The following MICAL2 variants were observed in gnomAD, a reference collection of about 807,000 sequenced individuals.
MICAL2 encodes [F-actin]-monooxygenase MICAL2.
MICAL2 carries 77 observed loss-of-function variants against 127.3 expected under a neutral mutation model. That is an observed-to-expected ratio of 0.60 (90% confidence interval 0.50 to 0.73). MICAL2 has a LOEUF of 0.73. Ranked by LOEUF, MICAL2 falls within the 30% of genes least tolerant of loss-of-function variation. The probability of loss-of-function intolerance (pLI) is 0.00; values close to 1 mark genes in which losing one functional copy is unlikely to be tolerated. For missense variants in MICAL2, 1,351 were observed against 1,434.4 expected, an observed-to-expected ratio of 0.94 and a Z score of 0.94; for synonymous variants, 570 against 551.1, an observed-to-expected ratio of 1.03 and a Z score of -0.48.
At chr11:12,214,978 G>C (rs1855961500) in intron 7 of MICAL2, among the ~76,000 whole-genome samples, 1 of 152,158 alleles carries the variant, frequency 6.6e-6, no homozygotes, top group African/African-American at 2.4e-5. Context: ...ACTTCTCACT[G>C]GCCTGGAGGG....
chr11:12,143,601 G>C (rs1852571374), intron 2 of MICAL2, among the ~76,000 whole-genome samples: 1 of 152,150 alleles, frequency 6.6e-6, no homozygotes, highest in African/African-American at 2.4e-5. Flanking sequence ...AAAGTGAATG[G>C]GGTGGGACGG....
intron 4 of MICAL2, among the ~76,000 whole-genome samples, chr11:12,206,526 G>C (rs955258662): frequency 6.6e-6 from 1 of 152,156 alleles, no homozygotes; most frequent in Non-Finnish European, 1.5e-5. Flanking sequence ...CCCCTGGCAG[G>C]GTGGTTCATG....
chr11:12,331,569 G>C (rs1441980671), intron 32 of MICAL2, among the ~76,000 whole-genome samples: 1 of 152,216 alleles, frequency 6.6e-6, no homozygotes, highest in Non-Finnish European at 1.5e-5. Flanking sequence ...GGTTTTCACT[G>C]CTGCTGAGGA....
At chr11:12,256,219 G>A (rs1458387252) in intron 23 of MICAL2, 1 of 162,904 alleles carries the variant, frequency 6.1e-6, no homozygotes, top group Non-Finnish European at 1.3e-5. Context: ...GTTTCCTTTT[G>A]GCCCATTGCC....
exon 2 of MICAL2, chr11:12,280,934 T>C: frequency 5.0e-6 from 2 of 399,126 alleles, no homozygotes; most frequent in East Asian, 7.1e-5. Flanking sequence ...TCCTTCCAGC[T>C]CTGACACAGA....
At chr11:12,328,054 AT>A (rs1864374668) in intron 32 of MICAL2, among the ~76,000 whole-genome samples, 1 of 152,240 alleles carries the variant, frequency 6.6e-6, no homozygotes, top group Non-Finnish European at 1.5e-5. Context: ...AAGAAATTAT[AT>A]TTGATGCTTA....
At chr11:12,223,387 C>T (rs374605729) in intron 11 of MICAL2, 24 bp from the exon 12 acceptor site, 166 of 1,602,634 alleles carry the variant, frequency 1.0e-4, no homozygotes, top group Middle Eastern at 6.6e-4. Context: ...AACTGGTGGG[C>T]AAGCATGTCT....
chr11:12,180,364 G>A (rs1438190793), intron 3 of MICAL2, among the ~76,000 whole-genome samples: 6 of 130,118 alleles, frequency 4.6e-5, no homozygotes, highest in African/African-American at 1.2e-4. Context: ...TTTTTTGGCA[G>A]GAAGGTTTCC....
At chr11:12,326,048 G>A (rs1371121436) in intron 31 of MICAL2, among the ~76,000 whole-genome samples, 6 of 152,194 alleles carry the variant, frequency 3.9e-5, no homozygotes, top group Admixed American at 3.9e-4. Flanking sequence ...TCATAGCTGG[G>A]ACAAGAAGAG....
At chr11:12,246,048 A>G (rs937004441) in intron 21 of MICAL2, among the ~76,000 whole-genome samples, 2 of 152,190 alleles carry the variant, frequency 1.3e-5, no homozygotes, top group South Asian at 4.1e-4. Context: ...CCTTTCTCTC[A>G]TCCCCAGAAA....
intron 1 of MICAL2, among the ~76,000 whole-genome samples, chr11:12,132,184 C>T (rs1023642182): frequency 2.6e-5 from 4 of 152,304 alleles, no homozygotes; most frequent in African/African-American, 7.2e-5. Context: ...TAATGTTCCT[C>T]GCAGTCCCAG....
intron 34 of MICAL2, among the ~76,000 whole-genome samples, chr11:12,357,197 C>T (rs1417872086): frequency 1.3e-5 from 2 of 152,176 alleles, no homozygotes; most frequent in Non-Finnish European, 2.9e-5. Context: ...GGAGGAGGCT[C>T]CCCACCCAGT....
Position 12,164,281 on chromosome 11 carries a change from A to G in MICAL2, c.264+1862A>G, listed in dbSNP as rs576652052. On this transcript the variant is annotated intron_variant, in intron 3 of 27. Coordinates refer to ENST00000683283, the MANE Select transcript of MICAL2 (RefSeq NM_001282663.2). ...ATGCTGGGTAAGGTGCCTCTTGCCCAGGAATTTTTATGCCTGTCTTGTGAG... is the reference window on the plus strand; with the variant it reads ...ATGCTGGGTAAGGTGCCTCTTGCCCGGGAATTTTTATGCCTGTCTTGTGAG... Among the ~76,000 whole-genome samples the G allele has an allele frequency of 7.9e-5, 12 of 152,350 alleles. No homozygotes were observed. The East Asian group carries it at 2.3e-3, about 29-fold the overall frequency.
At chr11:12,305,358 G>A (rs1464911335) in intron 29 of MICAL2, among the ~76,000 whole-genome samples, 2 of 151,744 alleles carry the variant, frequency 1.3e-5, no homozygotes, top group Admixed American at 1.3e-4. Context: ...GAACAGCATG[G>A]GGGAGACCAC....
downstream of MICAL2, chr11:12,287,336 G>A: frequency 2.6e-6 from 1 of 385,748 alleles, no homozygotes; most frequent in East Asian, 3.7e-5. Context: ...CTGCTGACTA[G>A]AGGGAGCCTT....
At chr11:12,307,256 T>C (rs12360801) in intron 29 of MICAL2, among the ~76,000 whole-genome samples, 66,814 of 152,014 alleles carry the variant, frequency 0.44, 17,173 homozygotes, top group Non-Finnish European at 0.57. Context: ...GTAAAGTAGC[T>C]TTCAAATCTT....
chr11:12,166,813 G>A (rs1464403616), intron 3 of MICAL2, among the ~76,000 whole-genome samples: 7 of 152,188 alleles, frequency 4.6e-5, no homozygotes, highest in African/African-American at 7.2e-5. Context: ...GTCTGGGAAC[G>A]CTTCCTGGAA....
intron 2 of MICAL2, among the ~76,000 whole-genome samples, chr11:12,286,031 C>G (rs12270877): frequency 6.6e-6 from 1 of 152,230 alleles, no homozygotes; most frequent in South Asian, 2.1e-4. Context: ...TGCCTGGGAA[C>G]AGGGAACACG....
intron 3 of MICAL2, among the ~76,000 whole-genome samples, chr11:12,168,299 C>T (rs1565083864): frequency 1.3e-5 from 2 of 150,546 alleles, no homozygotes; most frequent in Non-Finnish European, 3.0e-5. Context: ...ACGCCACACA[C>T]CATACACACA....
Sources: allele counts gnomAD v4.1 joint callset (sites outside exome capture counted in the v4.1 genomes callset), GRCh38; gene constraint gnomAD v4.1.1; transcripts MANE v1.5; gene names NCBI Gene and HGNC (gene_info 2026-07-23, HGNC 2026-07-21).